The following RAB27A variants were observed in gnomAD, a reference collection of about 807,000 sequenced individuals.
The protein encoded by RAB27A is RAB27A, member RAS oncogene family, also known as ras-related protein Rab-27A.
A neutral mutation model predicts 20.8 loss-of-function variants in RAB27A; 17 were observed. The ratio of observed to expected loss-of-function variants is 0.82; its 90% confidence interval spans 0.56 to 1.23. The LOEUF (loss-of-function observed/expected upper bound fraction) is 1.23, where lower values mean the gene tolerates loss of function less well. RAB27A is among the 50% of genes most tolerant of loss of function. RAB27A has a pLI of 0.00. For synonymous variants in RAB27A, 85 were observed against 92.8 expected (o/e 0.92, Z 0.48); for missense variants, 277 against 266.7 (o/e 1.04, Z -0.27).
At chr15:55,297,505 T>C (rs1431355378) in intron 2 of RAB27A, among the ~76,000 whole-genome samples, 2 of 152,296 alleles carry the variant, frequency 1.3e-5, no homozygotes, top group African/African-American at 4.8e-5. Context: ...AAGGCAGCTG[T>C]CCCCTCCCTA....
intron 1 of RAB27A, among the ~76,000 whole-genome samples, chr15:55,278,696 A>C (rs1039612785): frequency 1.3e-5 from 2 of 151,976 alleles, no homozygotes; most frequent in Admixed American, 1.3e-4. Context: ...GTTAGCCAGG[A>C]TGGTCTCGAT....
chr15:55,303,338 C>G (rs2054982599), intron 2 of RAB27A, among the ~76,000 whole-genome samples: 1 of 100,030 alleles, frequency 1.0e-5, no homozygotes, highest in Non-Finnish European at 2.0e-5. Context: ...CGGCCAGCCG[C>G]CCCGTCTGGG....
At chr15:55,280,736 CTA>C (rs2141119649) in intron 1 of RAB27A, among the ~76,000 whole-genome samples, 2 of 151,984 alleles carry the variant, frequency 1.3e-5, no homozygotes, top group African/African-American at 4.8e-5. Context: ...CAGTTCCCAC[CTA>C]TGAGTCAGAA....
At chr15:55,267,749 A>C (rs1199342038) in intron 2 of RAB27A, among the ~76,000 whole-genome samples, 1 of 152,176 alleles carries the variant, frequency 6.6e-6, no homozygotes, top group African/African-American at 2.4e-5. Flanking sequence ...CTGAGGAAAA[A>C]CAGAAATGGA....
chr15:55,226,987 T>A (rs1895829147), intron 5 of RAB27A, among the ~76,000 whole-genome samples: 1 of 152,178 alleles, frequency 6.6e-6, no homozygotes, highest in South Asian at 2.1e-4. Context: ...AATTAAGATT[T>A]GATATTACCA....
At chr15:55,210,057 C>T (rs1239359041) in intron 6 of RAB27A, among the ~76,000 whole-genome samples, 70 of 137,264 alleles carry the variant, frequency 5.1e-4, no homozygotes, top group African/African-American at 1.8e-3. Context: ...CATATATACA[C>T]ATATGTGTGT....
At chr15:55,216,596 A>AGT (rs1895317035) in intron 6 of RAB27A, among the ~76,000 whole-genome samples, 2 of 152,174 alleles carry the variant, frequency 1.3e-5, no homozygotes, top group African/African-American at 4.8e-5. Flanking sequence ...GCAACATGGT[A>AGT]AACATTAAAT....
chr15:55,288,849 T>C (rs774673915), intron 1 of RAB27A: 1 of 148,348 alleles, frequency 6.7e-6, no homozygotes, highest in Non-Finnish European at 1.5e-5. Context: ...GAACAGTGAG[T>C]GGAGAATCAA....
intron 6 of RAB27A, among the ~76,000 whole-genome samples, chr15:55,215,084 G>T (rs1251752055): frequency 6.6e-6 from 1 of 151,980 alleles, no homozygotes; most frequent in Non-Finnish European, 1.5e-5. Flanking sequence ...AGAATAAATT[G>T]GAAATTTCTT....
Position 55,261,029 on chromosome 15 carries a change from T to C in RAB27A, c.-23+9136A>G, listed in dbSNP as rs113722264. 2.6e-3 allele frequency among the ~76,000 whole-genome samples: 380 copies of C among 148,944 alleles called. 5 individuals are homozygous for C. The highest frequency in any genetic ancestry group is 8.8e-3 in the African/African-American group (356 of 40,454). On this transcript the variant is annotated intron_variant, in intron 2 of 6. Transcript: ENST00000336787. Reference sequence around the variant, plus strand: ...GGGGGAGGCTATGCATGTTGGGGGGTTTGGGAGGGAAGGGAATATATGGAA... The same window carrying C: ...GGGGGAGGCTATGCATGTTGGGGGGCTTGGGAGGGAAGGGAATATATGGAA...
chr15:55,268,456 C>T (rs989579382), intron 2 of RAB27A, among the ~76,000 whole-genome samples: 3 of 152,212 alleles, frequency 2.0e-5, no homozygotes, highest in Admixed American at 1.3e-4. Flanking sequence ...CTTCCACTCT[C>T]TTAATCTATG....
intron 2 of RAB27A, among the ~76,000 whole-genome samples, chr15:55,255,457 C>T (rs1897044327): frequency 6.6e-6 from 1 of 152,090 alleles, no homozygotes; most frequent in Non-Finnish European, 1.5e-5. Flanking sequence ...ATTGCTTCTC[C>T]ACTACCCCTC....
At chr15:55,304,644 CGTAAT>C (rs1390638410) in intron 2 of RAB27A, among the ~76,000 whole-genome samples, 1 of 152,066 alleles carries the variant, frequency 6.6e-6, no homozygotes, top group Admixed American at 6.5e-5. Flanking sequence ...TGGCTTATTT[CGTAAT>C]GTATTCTAAT....
At chr15:55,215,710 C>A (rs1163150359) in intron 6 of RAB27A, among the ~76,000 whole-genome samples, 1 of 150,608 alleles carries the variant, frequency 6.6e-6, no homozygotes, top group Non-Finnish European at 1.5e-5. Flanking sequence ...GCCTGTAATC[C>A]CAGCACTTTG....
chr15:55,313,707 C>A (rs907225603), intron 2 of RAB27A, among the ~76,000 whole-genome samples: 44 of 152,264 alleles, frequency 2.9e-4, no homozygotes, highest in African/African-American at 1.1e-3. Flanking sequence ...AACCCCGTCT[C>A]CACTAAAAAT....
chr15:55,212,709 T>A (rs570514012), intron 6 of RAB27A, among the ~76,000 whole-genome samples: 30 of 152,222 alleles, frequency 2.0e-4, no homozygotes, highest in African/African-American at 7.2e-4. Flanking sequence ...TTTTGTATTT[T>A]TAGTACAGAC....
At chr15:55,302,343 C>T (rs993350530) in intron 2 of RAB27A, among the ~76,000 whole-genome samples, 9 of 152,072 alleles carry the variant, frequency 5.9e-5, no homozygotes, top group African/African-American at 1.9e-4. Flanking sequence ...CCCGAGGTGC[C>T]GGGATTGCAG....
intron 1 of RAB27A, 70 bp downstream of exon 1, chr15:55,289,646 G>A (rs1264858939): frequency 6.6e-6 from 1 of 152,566 alleles, no homozygotes; most frequent in Non-Finnish European, 1.5e-5. Flanking sequence ...GGCCCCAGGG[G>A]GACGCCTCGC....
chr15:55,266,894 G>A (rs928150106), intron 2 of RAB27A, among the ~76,000 whole-genome samples: 1 of 152,166 alleles, frequency 6.6e-6, no homozygotes, highest in African/African-American at 2.4e-5. Flanking sequence ...TTGGAAAACA[G>A]ACCTAGGGCT....
Sources: gnomAD v4.1 joint callset for allele counts (sites outside exome capture counted in the v4.1 genomes callset) on GRCh38, gnomAD v4.1.1 for gene constraint, MANE v1.5 for transcripts, NCBI Gene and HGNC (gene_info 2026-07-23, HGNC 2026-07-21) for gene names.